Variants in COG5 observed in about 807,000 individuals in gnomAD.
The protein encoded by COG5 is component of oligomeric golgi complex 5, also known as conserved oligomeric Golgi complex subunit 5.
Under a neutral mutation model 110.4 loss-of-function variants are expected in COG5, and 86 were observed. The observed-to-expected ratio is 0.78, with a 90% CI of 0.65 to 0.93. COG5 has a LOEUF of 0.93. COG5 is among the 40% of genes least tolerant of loss of function. COG5 has a pLI of 0.00. For missense variants in COG5, 1,077 were observed against 987.0 expected (o/e 1.09, Z -1.22); for synonymous variants, 360 against 334.6 (o/e 1.08, Z -0.83).
chr7:107,472,769 T>C (rs1426080532), intron 6 of COG5: 2 of 151,952 alleles, frequency 1.3e-5, no homozygotes, highest in Admixed American at 1.3e-4. Context: ...TTGTCAAATA[T>C]AACATTAAGT....
Position 107,283,745 on chromosome 7 carries a change from A to C in COG5, c.1314-13T>G. The C allele has an allele frequency of 6.2e-7, 1 of 1,610,274 alleles. No homozygotes were observed. The highest frequency in any genetic ancestry group is 8.5e-7 in the Non-Finnish European group (1 of 1,176,732). On this transcript the variant is annotated splice_polypyrimidine_tract_variant and intron_variant, in intron 12 of 21. Coordinates refer to ENST00000297135, the MANE Select transcript of COG5 (RefSeq NM_006348.5). Reference sequence around the variant, plus strand: ...AGCCTTTTCTGGACTGTGGAAACAAAATTTTTTAAAAACTAACTTAAATTG... The same window carrying C: ...AGCCTTTTCTGGACTGTGGAAACAACATTTTTTAAAAACTAACTTAAATTG...
intron 6 of COG5, among the ~76,000 whole-genome samples, chr7:107,522,570 A>G (rs1800415439): frequency 6.6e-6 from 1 of 152,180 alleles, no homozygotes; most frequent in South Asian, 2.1e-4. Flanking sequence ...TGTTCTGCAC[A>G]TGTATCCCGG....
chr7:107,420,073 C>G (rs1793171301), intron 6 of COG5, among the ~76,000 whole-genome samples: 1 of 152,058 alleles, frequency 6.6e-6, no homozygotes, highest in Non-Finnish European at 1.5e-5. Context: ...AAAGTTATTT[C>G]TTACAAAAAT....
At chr7:107,280,101 C>A (rs1562948230) in intron 14 of COG5, among the ~76,000 whole-genome samples, 1 of 151,828 alleles carries the variant, frequency 6.6e-6, no homozygotes, top group African/African-American at 2.4e-5. Context: ...TTATTTATAG[C>A]AATAACCATG....
At chr7:107,268,892 C>T (rs958694078) in intron 14 of COG5, among the ~76,000 whole-genome samples, 5 of 152,080 alleles carry the variant, frequency 3.3e-5, no homozygotes, top group South Asian at 4.1e-4. Context: ...GTATGTCACA[C>T]GAAGCTGAAT....
intron 7 of COG5, among the ~76,000 whole-genome samples, chr7:107,408,737 C>T (rs1401298433): frequency 2.6e-5 from 4 of 152,122 alleles, no homozygotes; most frequent in Non-Finnish European, 5.9e-5. Context: ...CAGGGGACAT[C>T]TATTTTGCTG....
intron 14 of COG5, among the ~76,000 whole-genome samples, chr7:107,276,014 T>C (rs1002917714): frequency 6.6e-5 from 10 of 152,208 alleles, no homozygotes; most frequent in Non-Finnish European, 8.8e-5. Context: ...TCTAGAACTA[T>C]TGACCTCATA....
At chr7:107,475,752 T>G (rs1796938083) in intron 6 of COG5, 1 of 170,966 alleles carries the variant, frequency 5.8e-6, no homozygotes, top group South Asian at 2.0e-4. Context: ...TACAGATATA[T>G]TTAGATTACA....
At chr7:107,234,790 A>T (rs1325126566) in intron 18 of COG5, among the ~76,000 whole-genome samples, 5 of 151,686 alleles carry the variant, frequency 3.3e-5, no homozygotes, top group Non-Finnish European at 7.4e-5. Flanking sequence ...TTTTTTTTTT[A>T]AACAAATAAG....
At chr7:107,367,686 C>G (rs1413861726) in intron 8 of COG5, among the ~76,000 whole-genome samples, 3 of 151,972 alleles carry the variant, frequency 2.0e-5, no homozygotes, top group Admixed American at 2.0e-4. Context: ...AACTGAGGAG[C>G]AGAAACTTGA....
chr7:107,231,838 T>TGAA (rs3837138), intron 18 of COG5, among the ~76,000 whole-genome samples: 96,195 of 151,858 alleles, frequency 0.63, 32,769 homozygotes, highest in African/African-American at 0.91. Flanking sequence ...TCAAATTTAA[T>TGAA]GAAGGGGATA....
rs186795551 is a variant in COG5, at chr7:107,476,983, C to T, written c.538+50254G>A. Among the ~76,000 whole-genome samples the T allele has an allele frequency of 7.9e-5, 12 of 151,692 alleles. No individual in the cohort carries two copies. In the East Asian group the frequency reaches 1.5e-3, roughly 20 times the overall value. Reference sequence around the variant, plus strand: ...TCTGATAATAATGTTAACATAATGTCAAATCTTGGCAAAAGCCCAATTTCC... The same window carrying T: ...TCTGATAATAATGTTAACATAATGTTAAATCTTGGCAAAAGCCCAATTTCC... On this transcript the variant is annotated intron_variant, in intron 6 of 21. Coordinates refer to ENST00000297135, the MANE Select transcript of COG5 (RefSeq NM_006348.5).
intron 8 of COG5, among the ~76,000 whole-genome samples, chr7:107,366,093 T>A (rs767174803): frequency 2.0e-5 from 3 of 151,932 alleles, no homozygotes; most frequent in Non-Finnish European, 2.9e-5. Context: ...AAAGAAAGAA[T>A]AGAAAGGGAT....
At position 107,474,909 on chromosome 7, in the gene COG5, T is replaced by C; in HGVS notation, c.538+52328A>G. The C allele has an allele frequency of 6.2e-7, 1 of 1,613,220 alleles. No homozygotes were observed. The highest frequency in any genetic ancestry group is 1.1e-5 in the South Asian group (1 of 91,026). ...GTGGTGGGAGAAATGTAGTCTTTGG[T>C]GTAAGAACTTCAGTTTCTGTAATAA... On this transcript the variant is annotated intron_variant, in intron 6 of 21. Transcript: ENST00000297135. This position sits in a 1 kb window ranked among gnomAD's most constrained non-coding sequence, Gnocchi z 5.7.
chr7:107,534,774 A>T (rs1367835824), intron 5 of COG5, among the ~76,000 whole-genome samples: 1 of 151,580 alleles, frequency 6.6e-6, no homozygotes, highest in Non-Finnish European at 1.5e-5. Flanking sequence ...ACAGAAAATT[A>T]ACAAGGATAT....
chr7:107,483,986 G>A (rs985430238), intron 6 of COG5, among the ~76,000 whole-genome samples: 21 of 151,786 alleles, frequency 1.4e-4, no homozygotes, highest in Admixed American at 1.4e-3. Context: ...ATCAGTGTTA[G>A]GAAGAAAGCA....
At chr7:107,467,180 A>G (rs1796344206) in intron 6 of COG5, among the ~76,000 whole-genome samples, 1 of 152,214 alleles carries the variant, frequency 6.6e-6, no homozygotes, top group Admixed American at 6.5e-5. Flanking sequence ...AAAGGATTTT[A>G]ATTGAGCTGT....
intron 7 of COG5, among the ~76,000 whole-genome samples, chr7:107,385,341 G>C (rs1258487787): frequency 6.6e-6 from 1 of 152,136 alleles, no homozygotes; most frequent in African/African-American, 2.4e-5. Context: ...AGCCACCCCA[G>C]TTGTGGCAAT....
chr7:107,455,939 A>C (rs1584847534), intron 6 of COG5, among the ~76,000 whole-genome samples: 1 of 151,106 alleles, frequency 6.6e-6, no homozygotes, highest in Non-Finnish European at 1.5e-5. Context: ...GACTACAGAC[A>C]CGCACCACCA....
Sources: allele counts gnomAD v4.1 joint callset (sites outside exome capture counted in the v4.1 genomes callset), GRCh38; gene constraint gnomAD v4.1.1; non-coding constraint Gnocchi (gnomAD v3.1); transcripts MANE v1.5; gene names NCBI Gene and HGNC (gene_info 2026-07-23, HGNC 2026-07-21).